Variants in ZMAT4 observed in about 807,000 individuals in gnomAD.
The protein encoded by ZMAT4 is zinc finger matrin-type protein 4.
ZMAT4 carries 17 observed loss-of-function variants against 28.7 expected under a neutral mutation model. The observed-to-expected ratio is 0.59, with a 90% CI of 0.41 to 0.89. ZMAT4 has a LOEUF of 0.89. Among genes scored for constraint, ZMAT4 ranks in the 40% least tolerant of loss-of-function variants. The pLI is 0.00. For synonymous variants in ZMAT4, 117 were observed against 109.2 expected (o/e 1.07, Z -0.44); for missense variants, 240 against 283.8 (o/e 0.85, Z 1.11).
intron 6 of ZMAT4, among the ~76,000 whole-genome samples, chr8:40,541,929 A>G (rs773305164): frequency 1.1e-4 from 17 of 152,276 alleles, no homozygotes; most frequent in Non-Finnish European, 2.2e-4. Flanking sequence ...AATTACTACT[A>G]TGTTCAGGTC....
chr8:40,702,859 T>G (rs1200255771), intron 3 of ZMAT4, among the ~76,000 whole-genome samples: 1 of 152,164 alleles, frequency 6.6e-6, no homozygotes, highest in East Asian at 1.9e-4. Flanking sequence ...CTGGTCTGTA[T>G]GTGAGACCAC....
intron 5 of ZMAT4, among the ~76,000 whole-genome samples, chr8:40,607,051 A>C (rs770145001): frequency 6.6e-6 from 1 of 150,964 alleles, no homozygotes; most frequent in African/African-American, 2.4e-5. Flanking sequence ...TTATTTCCAG[A>C]AGGTGTGATT....
At chr8:40,560,492 T>C (rs925368317) in intron 6 of ZMAT4, among the ~76,000 whole-genome samples, 4 of 152,014 alleles carry the variant, frequency 2.6e-5, no homozygotes, top group Non-Finnish European at 2.9e-5. Flanking sequence ...TTTAGCCTCC[T>C]GGGTACAAGT....
At chr8:40,821,734 ACTAT>A (rs1815837663) in intron 2 of ZMAT4, among the ~76,000 whole-genome samples, 1 of 152,200 alleles carries the variant, frequency 6.6e-6, no homozygotes, top group South Asian at 2.1e-4. Context: ...ACCACCACCA[ACTAT>A]CTATCATTTA....
At chr8:40,747,108 G>A (rs932893390) in intron 3 of ZMAT4, among the ~76,000 whole-genome samples, 13 of 152,134 alleles carry the variant, frequency 8.5e-5, no homozygotes, top group African/African-American at 2.2e-4. Context: ...GAATACGCAC[G>A]AAACTTGGAT....
In ZMAT4 at chr8:40,682,517, G is replaced by A. The variant is rs1237180010; in HGVS notation, c.350-7586C>T. ...CTTCTCACATGATATGTCTGGATGCGAATTCTGCTACCCAGCCCCATGAGA... is the reference window on the plus strand; with the variant it reads ...CTTCTCACATGATATGTCTGGATGCAAATTCTGCTACCCAGCCCCATGAGA... On this transcript the variant is annotated intron_variant, in intron 4 of 6. Transcript: ENST00000297737. Among the ~76,000 whole-genome samples, 5 of 152,224 alleles carry A rather than the reference G, an allele frequency of 3.3e-5. 1 individual carries two copies. In the South Asian group the frequency reaches 6.2e-4, roughly 19 times the overall value.
chr8:40,822,422 G>A (rs1032646896), intron 2 of ZMAT4, among the ~76,000 whole-genome samples: 18 of 152,148 alleles, frequency 1.2e-4, no homozygotes, highest in African/African-American at 4.1e-4. Context: ...CAGTAATAGG[G>A]CATGGAGACT....
At chr8:40,793,863 G>A (rs1030505866) in intron 2 of ZMAT4, among the ~76,000 whole-genome samples, 52 of 152,188 alleles carry the variant, frequency 3.4e-4, no homozygotes, top group African/African-American at 1.2e-3. Flanking sequence ...GCCCCTCCTT[G>A]GGATCTCTTA....
intron 2 of ZMAT4, among the ~76,000 whole-genome samples, chr8:40,797,543 C>T (rs772175236): frequency 5.9e-5 from 9 of 152,146 alleles, no homozygotes; most frequent in East Asian, 3.9e-4. Context: ...AGACTAAGGA[C>T]GGTGGTATTT....
intron 1 of ZMAT4, among the ~76,000 whole-genome samples, chr8:40,891,451 T>C (rs1818684079): frequency 6.6e-6 from 1 of 151,926 alleles, no homozygotes; most frequent in South Asian, 2.1e-4. Flanking sequence ...CCTCCCTTTC[T>C]GGGCTGACGC....
chr8:40,642,064 G>T (rs553410117), intron 5 of ZMAT4, among the ~76,000 whole-genome samples: 1 of 152,052 alleles, frequency 6.6e-6, no homozygotes, highest in Non-Finnish European at 1.5e-5. Context: ...GGTCATTAAG[G>T]TTGTCAAATT....
At chr8:40,794,350 C>A (rs1337171314) in intron 2 of ZMAT4, among the ~76,000 whole-genome samples, 1 of 152,196 alleles carries the variant, frequency 6.6e-6, no homozygotes, top group Non-Finnish European at 1.5e-5. Context: ...TTACCCAACA[C>A]ACCATATAGC....
intron 2 of ZMAT4, among the ~76,000 whole-genome samples, chr8:40,800,849 A>G (rs1225814743): frequency 1.3e-5 from 2 of 152,108 alleles, no homozygotes; most frequent in Non-Finnish European, 2.9e-5. Flanking sequence ...CTAGAAAGAG[A>G]AGAAAAAAAT....
intron 3 of ZMAT4, among the ~76,000 whole-genome samples, chr8:40,736,065 G>A (rs1241327996): frequency 6.6e-6 from 1 of 152,188 alleles, no homozygotes; most frequent in Non-Finnish European, 1.5e-5. Flanking sequence ...TGCAGAGCGG[G>A]AGAAACACTG....
At chr8:40,700,915 C>T (rs1810115540) in intron 3 of ZMAT4, among the ~76,000 whole-genome samples, 1 of 152,196 alleles carries the variant, frequency 6.6e-6, no homozygotes, top group African/African-American at 2.4e-5. Flanking sequence ...AGTGAGGAGC[C>T]AGCACCTAGC....
intron 5 of ZMAT4, among the ~76,000 whole-genome samples, chr8:40,632,746 C>A (rs910313597): frequency 2.6e-5 from 4 of 152,144 alleles, no homozygotes; most frequent in African/African-American, 9.7e-5. Flanking sequence ...TAATCAATTT[C>A]TTTTGTTTTA....
At chr8:40,747,918 A>G (rs573059255) in intron 3 of ZMAT4, among the ~76,000 whole-genome samples, 4 of 152,216 alleles carry the variant, frequency 2.6e-5, no homozygotes, top group South Asian at 2.1e-4. Flanking sequence ...CAATGTACCA[A>G]TGAAACAAGA....
At chr8:40,673,435 C>T (rs893307270) in intron 5 of ZMAT4, among the ~76,000 whole-genome samples, 1 of 152,144 alleles carries the variant, frequency 6.6e-6, no homozygotes, top group Non-Finnish European at 1.5e-5. Context: ...ATGCAGAACC[C>T]TGTTTAAACT....
In ZMAT4 at chr8:40,809,371, A is replaced by G. The variant is rs199686430; in HGVS notation, c.102+16204T>C. ...GTTGAAAACCTACCTGTTGGGTTCT[A>G]TGCTCACTACCTGGGTGATGGGATC... On this transcript the variant is annotated intron_variant, in intron 2 of 6. Coordinates refer to ENST00000297737, the MANE Select transcript of ZMAT4 (RefSeq NM_024645.3). 7.2e-5 allele frequency among the ~76,000 whole-genome samples: 11 copies of G among 152,314 alleles called. No individual in the cohort carries two copies. In the East Asian group the frequency reaches 1.7e-3, roughly 24 times the overall value.
Sources: gnomAD v4.1 joint callset for allele counts (sites outside exome capture counted in the v4.1 genomes callset) on GRCh38, gnomAD v4.1.1 for gene constraint, MANE v1.5 for transcripts, NCBI Gene and HGNC (gene_info 2026-07-23, HGNC 2026-07-21) for gene names.